Variants in ARHGAP19 observed in about 807,000 individuals in gnomAD.
The protein encoded by ARHGAP19 is rho GTPase-activating protein 19.
A neutral mutation model predicts 60.9 loss-of-function variants in ARHGAP19; 48 were observed. The ratio of observed to expected loss-of-function variants is 0.79; its 90% confidence interval spans 0.62 to 1.00. The LOEUF (loss-of-function observed/expected upper bound fraction) is 1.00. ARHGAP19 is among the 50% of genes least tolerant of loss of function. ARHGAP19 has a pLI of 0.00. For missense variants in ARHGAP19, 562 were observed against 597.2 expected, an observed-to-expected ratio of 0.94 and a Z score of 0.61; for synonymous variants, 209 against 215.5, an observed-to-expected ratio of 0.97 and a Z score of 0.27.
intron 4 of ARHGAP19, among the ~76,000 whole-genome samples, chr10:97,260,427 G>C (rs1003873657): frequency 1.1e-4 from 16 of 151,868 alleles, no homozygotes; most frequent in Non-Finnish European, 2.9e-5. Context: ...CTACTCAGGA[G>C]GCAGAGGCAG....
intron 1 of ARHGAP19, among the ~76,000 whole-genome samples, chr10:97,266,428 C>T (rs1437647118): frequency 6.6e-6 from 1 of 152,146 alleles, no homozygotes; most frequent in Non-Finnish European, 1.5e-5. Flanking sequence ...CATCTAAGTC[C>T]AACCTCTGCT....
intron 1 of ARHGAP19, among the ~76,000 whole-genome samples, chr10:97,268,053 G>A (rs11189084): frequency 0.043 from 6,488 of 152,042 alleles, 206 homozygotes; most frequent in Non-Finnish European, 0.061. Context: ...TTGTCAGGCT[G>A]CAAATTTTTC....
intron 9 of ARHGAP19, among the ~76,000 whole-genome samples, chr10:97,234,147 A>G (rs1349859538): frequency 6.6e-6 from 1 of 151,300 alleles, no homozygotes; most frequent in African/African-American, 2.4e-5. Flanking sequence ...GGCACTTGTA[A>G]TCCTACCTAC....
rs200065154 is a variant in ARHGAP19, at chr10:97,266,138, G to A, written c.57-13C>T. 3,454 of 1,612,046 alleles carry A rather than the reference G, an allele frequency of 2.1e-3. 6 individuals carry two copies. Among genetic ancestry groups the A allele is most frequent in the Non-Finnish European group, 2.8e-3 (3,280 of 1,178,832 alleles). ...GCAGATGGCATCACTGAAAAACACA[G>A]AAGAAAATCTTTCGGGACATCATTT... On this transcript the variant is annotated splice_polypyrimidine_tract_variant and intron_variant, in intron 1 of 11. Coordinates refer to ENST00000358531, the MANE Select transcript of ARHGAP19 (RefSeq NM_032900.6).
At chr10:97,233,758 C>T (rs1392492109) in intron 9 of ARHGAP19, among the ~76,000 whole-genome samples, 2 of 151,862 alleles carry the variant, frequency 1.3e-5, no homozygotes, top group Non-Finnish European at 2.9e-5. Flanking sequence ...GTCCCAGCTA[C>T]TTGGGAGGCT....
In ARHGAP19 at chr10:97,291,687, A is replaced by C. The variant is rs181127364; in HGVS notation, c.56+885T>G. 3.3e-5 allele frequency among the ~76,000 whole-genome samples: 5 copies of C among 152,334 alleles called. No individual in the cohort carries two copies. The East Asian group carries it at 9.6e-4, about 29-fold the overall frequency. On this transcript the variant is annotated intron_variant, in intron 1 of 11. Coordinates refer to ENST00000358531, the MANE Select transcript of ARHGAP19 (RefSeq NM_032900.6). ...GTTATTAGTTTCCCAAGATTCTTGG[A>C]ATCTCTTATTCGGTACAAATGGAAC...
intron 6 of ARHGAP19, among the ~76,000 whole-genome samples, chr10:97,252,403 A>G (rs1436246773): frequency 6.6e-6 from 1 of 151,576 alleles, no homozygotes; most frequent in African/African-American, 2.4e-5. Context: ...TGGGCGGATC[A>G]TGAGGTCAGG....
At chr10:97,233,146 C>CA (rs978476602) in intron 9 of ARHGAP19, among the ~76,000 whole-genome samples, 1,522 of 146,172 alleles carry the variant, frequency 0.01, 13 homozygotes, top group African/African-American at 0.035. Context: ...GAGACTGTCT[C>CA]AAAAAAAAAA....
At chr10:97,292,237 G>C (rs997233973) in intron 1 of ARHGAP19, among the ~76,000 whole-genome samples, 1 of 152,252 alleles carries the variant, frequency 6.6e-6, no homozygotes, top group Non-Finnish European at 1.5e-5. Context: ...CAACAGTGAG[G>C]AATTCGCTAA....
chr10:97,272,072 C>T (rs887887879), intron 1 of ARHGAP19, among the ~76,000 whole-genome samples: 43 of 141,930 alleles, frequency 3.0e-4, no homozygotes, highest in African/African-American at 8.7e-4. Flanking sequence ...CTTGTAATGT[C>T]TTCATTAGGT....
intron 1 of ARHGAP19, among the ~76,000 whole-genome samples, chr10:97,278,937 CA>C (rs1168502896): frequency 1.3e-5 from 2 of 152,154 alleles, no homozygotes; most frequent in East Asian, 3.8e-4. Flanking sequence ...CCAAGAACCA[CA>C]ACCTTGGCAA....
chr10:97,251,333 GGA>G (rs1259896951), intron 6 of ARHGAP19, among the ~76,000 whole-genome samples: 3 of 40,120 alleles, frequency 7.5e-5, no homozygotes, highest in African/African-American at 2.3e-4. Flanking sequence ...AAGGGGAAAG[GGA>G]AAGGAAGGGG....
chr10:97,260,785 T>C (rs189382579), intron 4 of ARHGAP19, among the ~76,000 whole-genome samples: 20 of 151,838 alleles, frequency 1.3e-4, no homozygotes, highest in Admixed American at 1.2e-3. Context: ...CCTCGGTATA[T>C]ACCCAAGAGA....
intron 6 of ARHGAP19, among the ~76,000 whole-genome samples, chr10:97,249,876 G>A (rs928624124): frequency 8.3e-5 from 12 of 145,018 alleles, no homozygotes; most frequent in African/African-American, 3.1e-4. Context: ...TCAGCTCACT[G>A]AAAGCTCCAC....
intron 9 of ARHGAP19, among the ~76,000 whole-genome samples, chr10:97,232,006 G>A (rs1275115628): frequency 2.2e-5 from 3 of 134,914 alleles, no homozygotes; most frequent in African/African-American, 2.8e-5. Flanking sequence ...TTTAATAATA[G>A]TCATCCTAGT....
intron 5 of ARHGAP19, among the ~76,000 whole-genome samples, chr10:97,257,358 A>T (rs1374928700): frequency 1.4e-5 from 2 of 147,402 alleles, no homozygotes; most frequent in Non-Finnish European, 3.0e-5. Context: ...TGCAATCATA[A>T]CTCACTGCAG....
intron 4 of ARHGAP19, among the ~76,000 whole-genome samples, chr10:97,260,301 C>T (rs752608116): frequency 4.7e-5 from 7 of 148,882 alleles, no homozygotes; most frequent in African/African-American, 1.5e-4. Context: ...GAGGCCGAGG[C>T]GGGCGGATCA....
intron 8 of ARHGAP19, 74 bp from the exon 9 acceptor site, chr10:97,235,389 T>C: frequency 1.5e-6 from 2 of 1,305,458 alleles, no homozygotes; most frequent in Non-Finnish European, 2.2e-6. Context: ...AACTAATAGC[T>C]AAGTGTAAAT....
intron 8 of ARHGAP19, among the ~76,000 whole-genome samples, chr10:97,240,590 G>A (rs569886518): frequency 2.0e-5 from 3 of 152,328 alleles, no homozygotes; most frequent in Admixed American, 1.3e-4. Context: ...GGTGGAGGCT[G>A]CAGTCAGGCG....
Sources: allele counts gnomAD v4.1 joint callset (sites outside exome capture counted in the v4.1 genomes callset), GRCh38; gene constraint gnomAD v4.1.1; transcripts MANE v1.5; gene names NCBI Gene and HGNC (gene_info 2026-07-23, HGNC 2026-07-21).